SDK1: variants seen among roughly 807,000 people sequenced by gnomAD.
SDK1 encodes protein sidekick-1.
SDK1 carries 157 observed loss-of-function variants against 245.5 expected under a neutral mutation model. The observed-to-expected ratio is 0.64, with a 90% confidence interval of 0.56 to 0.73. The LOEUF is 0.73. Ranked by LOEUF, SDK1 falls within the 30% of genes least tolerant of loss-of-function variation. The pLI, the probability that SDK1 is intolerant of heterozygous loss-of-function variation, is 0.00. For synonymous variants in SDK1, 1,647 were observed against 1,278.5 expected (o/e 1.29, Z -6.15); for missense variants, 3,583 against 3,002.3 (o/e 1.19, Z -4.52).
chr7:3,675,296 C>G (rs1207226174), intron 4 of SDK1, among the ~76,000 whole-genome samples: 2 of 152,238 alleles, frequency 1.3e-5, no homozygotes, highest in Non-Finnish European at 2.9e-5. Context: ...GCTGTTTTCA[C>G]TGCTACCACT....
intron 1 of SDK1, among the ~76,000 whole-genome samples, chr7:3,517,901 C>G (rs1459043074): frequency 1.3e-5 from 2 of 152,116 alleles, no homozygotes; most frequent in African/African-American, 2.4e-5. Flanking sequence ...TTAGCCCATT[C>G]TCAGTGACTA....
At chr7:3,739,238 A>C (rs1025134723) in intron 4 of SDK1, among the ~76,000 whole-genome samples, 1 of 152,110 alleles carries the variant, frequency 6.6e-6, no homozygotes, top group Admixed American at 6.6e-5. Flanking sequence ...TTTGCCATTT[A>C]ACAGCTTTAC....
At chr7:3,797,324 C>G (rs1778984610) in intron 4 of SDK1, among the ~76,000 whole-genome samples, 1 of 151,874 alleles carries the variant, frequency 6.6e-6, no homozygotes, top group Non-Finnish European at 1.5e-5. Flanking sequence ...CCTGTTTTCC[C>G]TTTTCGCTTC....
intron 14 of SDK1, among the ~76,000 whole-genome samples, chr7:4,003,669 C>G (rs11973199): frequency 6.6e-6 from 1 of 152,244 alleles, no homozygotes; most frequent in Non-Finnish European, 1.5e-5. Context: ...CAACGTGACT[C>G]ATCACTGCTG....
chr7:3,517,955 G>C (rs1378470764), intron 1 of SDK1, among the ~76,000 whole-genome samples: 1 of 151,974 alleles, frequency 6.6e-6, no homozygotes, highest in Non-Finnish European at 1.5e-5. Flanking sequence ...GAAGTTTTTT[G>C]TGTTTGTTTT....
intron 27 of SDK1, 81 bp downstream of exon 27, chr7:4,130,178 C>T (rs1045182246): frequency 3.4e-5 from 47 of 1,382,506 alleles, no homozygotes; most frequent in African/African-American, 2.8e-4. Flanking sequence ...GGATTGTTGT[C>T]GCTTTTAACT....
Position 3,590,300 on chromosome 7 carries a change from C to CTTTTTTT in SDK1, c.299-28765_299-28759dup, listed in dbSNP as rs200303832. 6.1e-3 allele frequency among the ~76,000 whole-genome samples: 585 copies of CTTTTTTT among 96,122 alleles called. 1 individual carries two copies. The highest frequency in any genetic ancestry group is 8.0e-3 in the East Asian group (24 of 2,996). 63.1% of individuals were successfully genotyped at this position (96,122 alleles called of 152,430 possible). A position where few individuals can be genotyped will look rare whatever the true frequency, so the allele number is the denominator to read the frequency against. On this transcript the variant is annotated intron_variant, in intron 1 of 44. Coordinates refer to ENST00000404826, the MANE Select transcript of SDK1 (RefSeq NM_152744.4). ...TCAACTTTCACCTCCTTTCCTGTTC[C>CTTTTTTT]TTTTTTTTTTTTTTTTTTTTTGCTT...
rs199787767 is a variant in SDK1 at position 4,220,206 on chromosome 7, C to G, written c.5637C>G (p.Val1879=). The G allele has an allele frequency of 1.1e-5, 18 of 1,614,060 alleles. No individual in the cohort carries two copies. In the African/African-American group the frequency reaches 2.0e-4, roughly 18 times the overall value. The change falls in exon 39 of 45, where the codon GTC becomes GTG. Residue 1879 remains valine (V), a synonymous_variant. Coordinates refer to ENST00000404826, the MANE Select transcript of SDK1 (RefSeq NM_152744.4). The part of the protein sequence containing the change: ...LTKGVTYFFR[V]QARTITYGPE... ...AGGGAGTGACCTATTTCTTCCGTGT[C>G]CAAGCGCGGACCATCACCTACGGGC...
chr7:3,556,767 C>G (rs1226658234), intron 1 of SDK1, among the ~76,000 whole-genome samples: 1 of 152,086 alleles, frequency 6.6e-6, no homozygotes, highest in Non-Finnish European at 1.5e-5. Context: ...GCACTCCAGC[C>G]TGGGCAGCAG....
chr7:3,446,557 A>G (rs1780347068), intron 1 of SDK1, among the ~76,000 whole-genome samples: 1 of 152,192 alleles, frequency 6.6e-6, no homozygotes, highest in Admixed American at 6.5e-5. Flanking sequence ...AAGCTGTATC[A>G]TGCTAAATGT....
chr7:3,832,269 A>G (rs572819101), intron 5 of SDK1, among the ~76,000 whole-genome samples: 1 of 152,286 alleles, frequency 6.6e-6, no homozygotes, highest in East Asian at 1.9e-4. Flanking sequence ...ACTTATTGAG[A>G]TGATTTATAT....
intron 5 of SDK1, among the ~76,000 whole-genome samples, chr7:3,843,164 A>G (rs1780199836): frequency 6.6e-6 from 1 of 152,198 alleles, no homozygotes; most frequent in Admixed American, 6.5e-5. Context: ...ACTCACAGGC[A>G]TGGACACCAA....
intron 4 of SDK1, among the ~76,000 whole-genome samples, chr7:3,811,715 A>G (rs953537204): frequency 6.6e-6 from 1 of 152,190 alleles, no homozygotes; most frequent in African/African-American, 2.4e-5. Flanking sequence ...CTGGCCGTGC[A>G]GAAGCCCCCG....
intron 4 of SDK1, among the ~76,000 whole-genome samples, chr7:3,771,954 T>C (rs1305491519): frequency 1.3e-5 from 2 of 152,170 alleles, no homozygotes; most frequent in African/African-American, 2.4e-5. Flanking sequence ...CCCTTCTACT[T>C]TTTGTCTTAT....
Position 4,145,852 on chromosome 7 carries a change from C to T in SDK1, c.4359C>T (p.Ser1453=), listed in dbSNP as rs148966727. 2,455 of 1,613,676 alleles carry T rather than the reference C, an allele frequency of 1.5e-3. 27 individuals are homozygous for T. The African/African-American group carries it at 0.023, about 15-fold the overall frequency. ...AGTCCGCATACATCTTCAGGCTGTC[C>T]GCCAAGACGAGGCAGGGCTGGGGGG... The part of the protein sequence containing the change: ...APESAYIFRL[S]AKTRQGWGEP... The change falls in exon 29 of 45, where the codon TCC becomes TCT. Residue 1453 remains serine, a synonymous_variant. Coordinates refer to ENST00000404826, the MANE Select transcript of SDK1 (RefSeq NM_152744.4).
At chr7:3,462,076 G>C (rs1254263435) in intron 1 of SDK1, among the ~76,000 whole-genome samples, 1 of 152,102 alleles carries the variant, frequency 6.6e-6, no homozygotes, top group Admixed American at 6.6e-5. Context: ...AGAGTTGTCT[G>C]CTCGCTGCCT....
chr7:3,924,118 G>T (rs1779688078), intron 5 of SDK1, among the ~76,000 whole-genome samples: 1 of 151,466 alleles, frequency 6.6e-6, no homozygotes, highest in African/African-American at 2.4e-5. Flanking sequence ...GATGACCTAA[G>T]GGAGATTTAC....
chr7:3,375,288 C>G (rs1222907488), intron 1 of SDK1, among the ~76,000 whole-genome samples: 3 of 152,026 alleles, frequency 2.0e-5, no homozygotes, highest in Non-Finnish European at 4.4e-5. Context: ...ATTGTTAAAT[C>G]AGTATAATAC....
intron 5 of SDK1, among the ~76,000 whole-genome samples, chr7:3,876,389 G>A (rs1288838945): frequency 6.6e-6 from 1 of 152,160 alleles, no homozygotes; most frequent in Non-Finnish European, 1.5e-5. Context: ...TCTACCATGG[G>A]ATGTGGAAAG....
Sources: allele counts gnomAD v4.1 joint callset (sites outside exome capture counted in the v4.1 genomes callset), GRCh38; gene constraint gnomAD v4.1.1; transcripts MANE v1.5; gene names NCBI Gene and HGNC (gene_info 2026-07-23, HGNC 2026-07-21).